RPS6KA2: variants seen among roughly 807,000 people sequenced by gnomAD.
The protein encoded by RPS6KA2 is ribosomal protein S6 kinase A2, also known as ribosomal protein S6 kinase alpha-2.
Under a neutral mutation model 91.8 loss-of-function variants are expected in RPS6KA2, and 42 were observed. The ratio of observed to expected loss-of-function variants is 0.46; its 90% CI spans 0.36 to 0.59. The LOEUF is 0.59. Ranked by LOEUF, RPS6KA2 falls within the 20% of genes least tolerant of loss-of-function variation. RPS6KA2 has a pLI of 0.00. For missense variants in RPS6KA2, 798 were observed against 978.5 expected, an observed-to-expected ratio of 0.82 and a Z score of 2.46; for synonymous variants, 414 against 393.6, an observed-to-expected ratio of 1.05 and a Z score of -0.61.
rs1472775864 is a variant in RPS6KA2 at position 166,533,627 on chromosome 6, G to A, written c.217-2314C>T. 6.6e-6 allele frequency among the ~76,000 whole-genome samples: 1 copy of A among 152,216 alleles called. No homozygotes were observed. The highest frequency in any genetic ancestry group is 2.4e-5 in the African/African-American group (1 of 41,450). On this transcript the variant is annotated intron_variant, in intron 2 of 20. Coordinates refer to ENST00000265678, the MANE Select transcript of RPS6KA2 (RefSeq NM_021135.6). The surrounding 1 kb of genome is among the most constrained non-coding windows in gnomAD (Gnocchi z 4.0). ...TGGCAACTGAGGACACCTGGTGCAG[G>A]ACAAACCGGGCAGCCTGGTCACTGA...
chr6:166,489,402 T>C (rs1035097175), intron 9 of RPS6KA2, among the ~76,000 whole-genome samples: 2 of 152,198 alleles, frequency 1.3e-5, no homozygotes, highest in Non-Finnish European at 2.9e-5. Context: ...TGCGATGCTA[T>C]GAAGAAAACC....
chr6:166,508,476 CCCT>C lies in RPS6KA2; in HGVS notation c.380-197_380-195del. Among the ~76,000 whole-genome samples, 4 of 9,772 alleles carry C rather than the reference CCCT, an allele frequency of 4.1e-4. No homozygotes were observed. In the East Asian group the frequency reaches 1.0e-2, roughly 24 times the overall value. 6.4% of individuals were successfully genotyped at this position (9,772 alleles called of 152,430 possible). ...GGGGGTCTGACACTGTGAGCGCTGC[CCCT>C]CTCTCACTGTCGTTAGGGGGCCTTG... is the stretch of plus-strand genomic sequence containing the variant. On this transcript the variant is annotated intron_variant, in intron 4 of 20. Transcript: ENST00000265678. This position sits in a 1 kb window ranked among gnomAD's most constrained non-coding sequence, Gnocchi z 4.3.
At chr6:166,527,686 C>T (rs770835272) in intron 3 of RPS6KA2, among the ~76,000 whole-genome samples, 6 of 152,204 alleles carry the variant, frequency 3.9e-5, no homozygotes, top group Non-Finnish European at 8.8e-5. Flanking sequence ...AAAGCAGCTC[C>T]AGACCTGTCT....
intron 1 of RPS6KA2, among the ~76,000 whole-genome samples, chr6:166,558,137 CTATG>C (rs1784230620): frequency 6.7e-6 from 1 of 149,442 alleles, no homozygotes. Flanking sequence ...TGTATTACAT[CTATG>C]TATGTGGGGA....
intron 20 of RPS6KA2, 106 bp downstream of exon 20, chr6:166,413,688 C>T: frequency 8.1e-7 from 1 of 1,230,858 alleles, no homozygotes; most frequent in East Asian, 2.4e-5. Flanking sequence ...CTGCTATGGG[C>T]TCTTTCTCTG....
chr6:166,831,957 C>T (rs1400457102), intron 2 of RPS6KA2, among the ~76,000 whole-genome samples: 1 of 151,006 alleles, frequency 6.6e-6, no homozygotes, highest in Non-Finnish European at 1.5e-5. Context: ...TAGATAGCTA[C>T]ATAGATACAT....
chr6:166,492,423 T>C (rs907761236), intron 8 of RPS6KA2, among the ~76,000 whole-genome samples: 2 of 152,196 alleles, frequency 1.3e-5, no homozygotes, highest in African/African-American at 4.8e-5. Context: ...AGGATGAAAG[T>C]TTATAAGCTG....
At chr6:166,427,990 C>T (rs1033079680) in intron 16 of RPS6KA2, among the ~76,000 whole-genome samples, 23 of 151,342 alleles carry the variant, frequency 1.5e-4, no homozygotes, top group Non-Finnish European at 2.9e-4. Context: ...CCGCCCGCAT[C>T]GCCAAGTCAA....
At chr6:166,420,256 A>G (rs2128440358) in intron 17 of RPS6KA2, among the ~76,000 whole-genome samples, 1 of 152,228 alleles carries the variant, frequency 6.6e-6, no homozygotes, top group East Asian at 1.9e-4. Flanking sequence ...TAAAATATGT[A>G]TGACATAAAA....
chr6:166,600,313 T>C (rs1366114775), intron 1 of RPS6KA2, among the ~76,000 whole-genome samples: 1 of 152,250 alleles, frequency 6.6e-6, no homozygotes, highest in Admixed American at 6.5e-5. Flanking sequence ...CCAAGGTTAC[T>C]GTTTGGCATC....
In RPS6KA2 at chr6:166,469,828, G is replaced by A. The variant is rs369517205; in HGVS notation, c.972+13C>T. On this transcript the variant is annotated intron_variant, in intron 11 of 20. Coordinates refer to ENST00000265678, the MANE Select transcript of RPS6KA2 (RefSeq NM_021135.6). The stretch of plus-strand genomic sequence containing the variant: ...CACGCGTGTGCAGGTGGGGACTGTG[G>A]CATGCAACTTACGTTCCAGTCTATG... The A allele has an allele frequency of 1.7e-4, 271 of 1,612,190 alleles. No homozygotes were observed. Among genetic ancestry groups the A allele is most frequent in the Non-Finnish European group, 1.7e-4 (204 of 1,178,324 alleles).
At chr6:166,696,533 C>A (rs986140543) in intron 2 of RPS6KA2, among the ~76,000 whole-genome samples, 26 of 152,202 alleles carry the variant, frequency 1.7e-4, no homozygotes, top group Admixed American at 1.7e-3. Context: ...GTTCCTCCCC[C>A]ATTTTTCCTT....
intron 1 of RPS6KA2, among the ~76,000 whole-genome samples, chr6:166,592,147 G>A (rs909758414): frequency 3.3e-5 from 5 of 152,214 alleles, no homozygotes; most frequent in Non-Finnish European, 7.3e-5. Context: ...AATACCAGCA[G>A]AAAGAGAAAG....
chr6:166,528,554 C>A (rs1236267398), intron 3 of RPS6KA2, among the ~76,000 whole-genome samples: 1 of 149,888 alleles, frequency 6.7e-6, no homozygotes, highest in Non-Finnish European at 1.5e-5. Context: ...GCAACAAAAG[C>A]CAAAATTAAC....
chr6:166,490,893 G>T lies in RPS6KA2; in HGVS notation c.748-152C>A. 4 of 620,852 alleles carry T rather than the reference G, an allele frequency of 6.4e-6. No homozygotes were observed. The highest frequency in any genetic ancestry group is 1.1e-5 in the Non-Finnish European group (4 of 349,050). The allele number at this position is 620,852 out of a possible 1,614,324, so 38.5% of individuals were successfully genotyped here. A position where few individuals can be genotyped will look rare whatever the true frequency, so the allele number is the denominator to read the frequency against. The stretch of plus-strand genomic sequence containing the variant: ...GTAGCCACTGGCCTACGTGCTTGGG[G>T]TACAACAGTGACTAAAACTGCCTCG... On this transcript the variant is annotated intron_variant, in intron 8 of 20. Coordinates refer to ENST00000265678, the MANE Select transcript of RPS6KA2 (RefSeq NM_021135.6). The surrounding 1 kb of genome is among the most constrained non-coding windows in gnomAD (Gnocchi z 4.2).
intron 2 of RPS6KA2, among the ~76,000 whole-genome samples, chr6:166,647,763 CGCACAT>C (rs1486142117): frequency 8.6e-5 from 13 of 151,856 alleles, no homozygotes; most frequent in African/African-American, 3.1e-4. Flanking sequence ...CACACACACA[CGCACAT>C]GCTCATACAC....
intron 2 of RPS6KA2, among the ~76,000 whole-genome samples, chr6:166,699,070 C>G (rs1378068021): frequency 6.6e-6 from 1 of 152,096 alleles, no homozygotes; most frequent in Non-Finnish European, 1.5e-5. Context: ...CCAGCGACCC[C>G]TATGAGTGCA....
chr6:166,523,123 C>G (rs923123841), intron 3 of RPS6KA2, among the ~76,000 whole-genome samples: 1 of 152,140 alleles, frequency 6.6e-6, no homozygotes, highest in Non-Finnish European at 1.5e-5. Flanking sequence ...TGGTAATAAA[C>G]ACATAGAGGA....
chr6:166,532,965 T>C (rs1393484257), intron 2 of RPS6KA2, among the ~76,000 whole-genome samples: 6 of 152,118 alleles, frequency 3.9e-5, no homozygotes, highest in Admixed American at 6.5e-5. Flanking sequence ...GCACAAGCCC[T>C]TCTCCGGGCT....
Sources: gnomAD v4.1 joint callset for allele counts (sites outside exome capture counted in the v4.1 genomes callset) on GRCh38, gnomAD v4.1.1 for gene constraint, Gnocchi (gnomAD v3.1) non-coding constraint, MANE v1.5 for transcripts, NCBI Gene and HGNC (gene_info 2026-07-23, HGNC 2026-07-21) for gene names.